Variants in ABCA8 observed in about 807,000 individuals in gnomAD.
ABCA8 encodes the protein ABC-type organic anion transporter ABCA8.
Under a neutral mutation model 192.3 loss-of-function variants are expected in ABCA8, and 177 were observed. The observed-to-expected ratio is 0.92, with a 90% CI of 0.81 to 1.04. The LOEUF is 1.04. ABCA8 is among the 50% of genes least tolerant of loss of function. ABCA8 has a pLI of 0.00. For synonymous variants in ABCA8, 642 were observed against 690.2 expected, an observed-to-expected ratio of 0.93 and a Z score of 1.09; for missense variants, 1,915 against 1,904.8, an observed-to-expected ratio of 1.01 and a Z score of -0.10.
intron 7 of ABCA8, 37 bp from the exon 8 acceptor site, chr17:68,929,739 G>C (rs2067807224): frequency 6.4e-7 from 1 of 1,553,172 alleles, no homozygotes; most frequent in South Asian, 1.2e-5. Flanking sequence ...AGTATTTTAT[G>C]TTCACTTGAA....
intron 17 of ABCA8, among the ~76,000 whole-genome samples, chr17:68,914,745 C>T (rs777943491): frequency 3.9e-5 from 6 of 152,054 alleles, no homozygotes; most frequent in East Asian, 1.9e-4. Flanking sequence ...TCAACACAAT[C>T]GCTATCAAAA....
At position 68,881,225 on chromosome 17, in the gene ABCA8, T is replaced by G; in HGVS notation, c.3947-14A>C. 6.5e-7 allele frequency: 1 copy of G among 1,536,036 alleles called. No individual in the cohort carries two copies. The highest frequency in any genetic ancestry group is 2.2e-5 in the East Asian group (1 of 44,468). On this transcript the variant is annotated splice_polypyrimidine_tract_variant and intron_variant, in intron 31 of 39. Transcript: ENST00000586539. ...CTAAAACTTCACCTGAAAAAAAGGT[T>G]ACACTTAATATTAATCTATTTTAAT... is the stretch of plus-strand genomic sequence containing the variant.
chr17:68,921,009 AC>A (rs2067517580), intron 13 of ABCA8, among the ~76,000 whole-genome samples: 1 of 152,224 alleles, frequency 6.6e-6, no homozygotes, highest in African/African-American at 2.4e-5. Flanking sequence ...ACCATGGAAT[AC>A]TATGCAGCCA....
intron 7 of ABCA8, among the ~76,000 whole-genome samples, chr17:68,930,085 C>G (rs760545372): frequency 6.6e-6 from 1 of 152,084 alleles, no homozygotes; most frequent in African/African-American, 2.4e-5. Context: ...TGTAACCCCT[C>G]TATTATTCCT....
At chr17:68,877,753 T>C in intron 32 of ABCA8, 74 bp from the exon 33 acceptor site, 1 of 1,435,314 alleles carries the variant, frequency 7.0e-7, no homozygotes, top group East Asian at 2.4e-5. Context: ...CATCATTCTC[T>C]TCACGAACCT....
chr17:68,912,377 G>T (rs1172715616), intron 17 of ABCA8, among the ~76,000 whole-genome samples: 2 of 151,978 alleles, frequency 1.3e-5, no homozygotes, highest in Non-Finnish European at 2.9e-5. Context: ...TTGAAGACAG[G>T]CTATTTGAAA....
At chr17:68,944,000 T>C (rs2068305245) in intron 2 of ABCA8, among the ~76,000 whole-genome samples, 1 of 151,992 alleles carries the variant, frequency 6.6e-6, no homozygotes, top group African/African-American at 2.4e-5. Flanking sequence ...TCGTGTCCTT[T>C]GCAGGGACAT....
intron 23 of ABCA8, among the ~76,000 whole-genome samples, chr17:68,893,020 T>G (rs1327635914): frequency 6.6e-6 from 1 of 152,028 alleles, no homozygotes; most frequent in Non-Finnish European, 1.5e-5. Flanking sequence ...AAAAATAAAT[T>G]TAAAAGAATG....
intron 23 of ABCA8, 54 bp downstream of exon 23, chr17:68,894,119 C>T: frequency 6.3e-7 from 1 of 1,583,636 alleles, no homozygotes; most frequent in Non-Finnish European, 8.7e-7. Flanking sequence ...AAAGGGTGAT[C>T]TGGGAGATTC....
rs148035970 is a variant in ABCA8 at position 68,868,037 on chromosome 17, T to C, written c.*48A>G. On this transcript the variant is annotated 3_prime_UTR_variant, in exon 40 of 40. Transcript: ENST00000586539. ...AACATTGCTGCTATAAAAATAAATG[T>C]ATTTAAAAAAAACCACGGGTTTAAA... The C allele has an allele frequency of 1.3e-4, 170 of 1,294,972 alleles. No homozygotes were observed. In the African/African-American group the frequency reaches 2.2e-3, roughly 16 times the overall value. The allele number at this position is 1,294,972 out of a possible 1,614,324, so 80.2% of individuals were successfully genotyped here.
Position 68,902,596 on chromosome 17 carries a change from A to G in ABCA8, c.2764+117T>C, listed in dbSNP as rs937177906. 9 of 813,260 alleles carry G rather than the reference A, an allele frequency of 1.1e-5. No individual in the cohort carries two copies. In the African/African-American group the frequency reaches 1.6e-4, roughly 14 times the overall value. 50.4% of individuals were successfully genotyped at this position (813,260 alleles called of 1,614,324 possible). A position where few individuals can be genotyped will look rare whatever the true frequency, so the allele number is the denominator to read the frequency against. ...TATTTATTATCTTTAAGTTTCATAA[A>G]TTGTTTTTTAACACATGCTGAATAA... On this transcript the variant is annotated intron_variant, in intron 21 of 39. Transcript: ENST00000586539.
At chr17:68,902,442 C>T (rs2066939222) in intron 21 of ABCA8, among the ~76,000 whole-genome samples, 1 of 152,118 alleles carries the variant, frequency 6.6e-6, no homozygotes. Flanking sequence ...ATTGTATGGC[C>T]TGTGAAGTAT....
Position 68,882,580 on chromosome 17 carries a change from C to T in ABCA8, c.3828+19G>A, listed in dbSNP as rs2066362276. The T allele has an allele frequency of 1.3e-6, 2 of 1,598,060 alleles. No homozygotes were observed. Among genetic ancestry groups the T allele is most frequent in the African/African-American group, 1.3e-5 (1 of 74,302 alleles). On this transcript the variant is annotated intron_variant, in intron 30 of 39. Transcript: ENST00000586539. ...ACTGGTAGACTGACTAATAAAAAAA[C>T]CTTTGTGTTATGTTTTACCTCATCA...
In ABCA8 at chr17:68,886,851, T is replaced by G. The variant is rs187359076; in HGVS notation, c.3429+166A>C. 9.2e-5 allele frequency: 35 copies of G among 381,886 alleles called. No individual in the cohort carries two copies. The East Asian group carries it at 1.4e-3, about 15-fold the overall frequency. 23.7% of individuals were successfully genotyped at this position (381,886 alleles called of 1,614,324 possible). ...TATGGAATTAATTCTTATTAGGGACTTTGGTGAAGTAATTTCTAGTTTTGA... is the reference window on the plus strand; with the variant it reads ...TATGGAATTAATTCTTATTAGGGACGTTGGTGAAGTAATTTCTAGTTTTGA... On this transcript the variant is annotated intron_variant, in intron 26 of 39. Transcript: ENST00000586539.
chr17:68,896,886 C>T (rs2143434437), intron 21 of ABCA8, among the ~76,000 whole-genome samples: 1 of 152,200 alleles, frequency 6.6e-6, no homozygotes, highest in East Asian at 1.9e-4. Context: ...GAAACTCATG[C>T]TAGTCTTGCT....
Position 68,877,412 on chromosome 17 carries a change from G to T in ABCA8, c.4199+107C>A, listed in dbSNP as rs950231536. ...GTTGTAAATCTACCCAGTGTGACCT[G>T]GGTCAGCATTTAGAGTCTCCCATCC... On this transcript the variant is annotated intron_variant, in intron 33 of 39. Transcript: ENST00000586539. The T allele has an allele frequency of 9.7e-6, 10 of 1,029,854 alleles. No individual in the cohort carries two copies. In the African/African-American group the frequency reaches 1.3e-4, roughly 13 times the overall value. The allele number at this position is 1,029,854 out of a possible 1,614,324, so 63.8% of individuals were successfully genotyped here.
chr17:68,913,964 T>C (rs977246746), intron 17 of ABCA8, among the ~76,000 whole-genome samples: 4 of 152,068 alleles, frequency 2.6e-5, no homozygotes, highest in Admixed American at 6.5e-5. Context: ...ATCTTGGTCA[T>C]GGTTGGATTT....
Position 68,906,038 on chromosome 17 carries a change from A to AT in ABCA8, c.2398+5dup. The AT allele has an allele frequency of 6.3e-7, 1 of 1,578,320 alleles. No homozygotes were observed. Among genetic ancestry groups the AT allele is most frequent in the Non-Finnish European group, 8.6e-7 (1 of 1,163,798 alleles). ...TTACATAATAATTTTCATGCATTTT[A>AT]TTTACCCGATTCATTAATTGTAGAT... On this transcript the variant is annotated splice_donor_region_variant and intron_variant, in intron 19 of 39. Coordinates refer to ENST00000586539, the MANE Select transcript of ABCA8 (RefSeq NM_001288985.2).
In ABCA8 at chr17:68,940,783, T is replaced by A. The variant is rs1451782939; in HGVS notation, c.276A>T (p.Lys92Asn). ...CTGCCAGGAAGGGAGTAGAGGCTACTTTATTCATTATCTGTTGGGTCGTGT... is the reference window on the plus strand; with the variant it reads ...CTGCCAGGAAGGGAGTAGAGGCTACATTATTCATTATCTGTTGGGTCGTGT... ...VTNTTQQIMN[K>N]VASTPFLAGK... The change falls in exon 4 of 40, where the codon AAA becomes AAT. Residue 92 changes from lysine to asparagine, a missense_variant. Coordinates refer to ENST00000586539, the MANE Select transcript of ABCA8 (RefSeq NM_001288985.2). 2 of 1,613,534 alleles carry A rather than the reference T, an allele frequency of 1.2e-6. No individual in the cohort carries two copies. Among genetic ancestry groups the A allele is most frequent in the South Asian group, 2.2e-5 (2 of 91,046 alleles).
Sources: gnomAD v4.1 joint callset for allele counts (sites outside exome capture counted in the v4.1 genomes callset) on GRCh38, gnomAD v4.1.1 for gene constraint, MANE v1.5 for transcripts, NCBI Gene and HGNC (gene_info 2026-07-23, HGNC 2026-07-21) for gene names.